L3MBTL4: variants seen among roughly 807,000 people sequenced by gnomAD.
L3MBTL4 encodes L3MBTL histone methyl-lysine binding protein 4, also known as lethal(3)malignant brain tumor-like protein 4.
Under a neutral mutation model 84.5 loss-of-function variants are expected in L3MBTL4, and 70 were observed. The ratio of observed to expected loss-of-function variants is 0.83; its 90% CI spans 0.68 to 1.01. The LOEUF (loss-of-function observed/expected upper bound fraction) is 1.01, where lower values mean the gene tolerates loss of function less well. L3MBTL4 is among the 50% of genes least tolerant of loss of function. The pLI, the probability that L3MBTL4 is intolerant of heterozygous loss-of-function variation, is 0.00. For missense variants in L3MBTL4, 715 were observed against 754.8 expected, an observed-to-expected ratio of 0.95 and a Z score of 0.62; for synonymous variants, 274 against 259.8, an observed-to-expected ratio of 1.05 and a Z score of -0.52.
intron 14 of L3MBTL4, among the ~76,000 whole-genome samples, chr18:6,131,798 T>C (rs1185259017): frequency 6.6e-6 from 1 of 152,202 alleles, no homozygotes; most frequent in African/African-American, 2.4e-5. Flanking sequence ...CCAAGGTTGG[T>C]ACTGAAGAAC....
intron 14 of L3MBTL4, among the ~76,000 whole-genome samples, chr18:6,123,837 C>T (rs543822700): frequency 2.6e-5 from 4 of 152,312 alleles, no homozygotes; most frequent in Non-Finnish European, 4.4e-5. Context: ...TAGTTAAGGG[C>T]TAGGCCCACC....
intron 1 of L3MBTL4, chr18:6,397,589 C>T (rs2055328118): frequency 6.6e-6 from 1 of 152,138 alleles, no homozygotes; most frequent in African/African-American, 2.4e-5. Context: ...TGGCTCATGC[C>T]TGTAATCCCA....
At chr18:6,056,067 C>A (rs1310019215) in intron 16 of L3MBTL4, among the ~76,000 whole-genome samples, 1 of 151,952 alleles carries the variant, frequency 6.6e-6, no homozygotes, top group Admixed American at 6.6e-5. Context: ...TGTTTTAAAG[C>A]ATGGATTTGG....
chr18:6,222,747 C>T (rs957702920), intron 10 of L3MBTL4, among the ~76,000 whole-genome samples: 1 of 152,030 alleles, frequency 6.6e-6, no homozygotes, highest in African/African-American at 2.4e-5. Context: ...ATTTGGTAGG[C>T]ACTCAATTCA....
At chr18:6,326,751 G>T (rs180951537) in intron 1 of L3MBTL4, 2 of 152,284 alleles carry the variant, frequency 1.3e-5, no homozygotes. Context: ...ATGTAGAATG[G>T]TTGCCGAGGT....
intron 16 of L3MBTL4, among the ~76,000 whole-genome samples, chr18:6,034,275 C>T (rs1489112820): frequency 6.6e-6 from 1 of 152,078 alleles, no homozygotes; most frequent in African/African-American, 2.4e-5. Context: ...TTAGGTATAT[C>T]TCCCAATGTT....
chr18:6,320,451 C>A (rs76040863), intron 1 of L3MBTL4, among the ~76,000 whole-genome samples: 1 of 152,052 alleles, frequency 6.6e-6, no homozygotes, highest in South Asian at 2.1e-4. Flanking sequence ...TCAAAGTATA[C>A]GAGTCAATAG....
chr18:6,031,898 C>T (rs2055820203), intron 16 of L3MBTL4: 5 of 925,378 alleles, frequency 5.4e-6, no homozygotes, highest in Non-Finnish European at 6.4e-6. Context: ...GAAGCCTGGG[C>T]TTTTAGAGTA....
intron 1 of L3MBTL4, chr18:6,356,725 T>C (rs1367663214): frequency 2.0e-5 from 3 of 152,216 alleles, no homozygotes; most frequent in African/African-American, 7.2e-5. Flanking sequence ...TCTGGGTGGA[T>C]CAGTGAATGA....
intron 16 of L3MBTL4, among the ~76,000 whole-genome samples, chr18:5,970,125 C>T (rs903498563): frequency 1.3e-5 from 2 of 152,264 alleles, no homozygotes; most frequent in Admixed American, 6.5e-5. Flanking sequence ...GCTGCTGCTG[C>T]TGCAGATCCC....
In L3MBTL4 at chr18:6,382,839, C is replaced by T. The variant is rs141646087; in HGVS notation, c.-91+31962G>A. On this transcript the variant is annotated intron_variant, in intron 1 of 18. Coordinates refer to ENST00000317931, the MANE Select transcript of L3MBTL4 (RefSeq NM_001330559.2). ...TCTGACCCTTAGCAGAGCTCAAATG[C>T]TGTGCTGGGAGGTCCACTGCTCTCT... Among the ~76,000 whole-genome samples, 399 of 152,342 alleles carry T rather than the reference C, an allele frequency of 2.6e-3. 3 individuals are homozygous for T. The highest frequency in any genetic ancestry group is 8.9e-3 in the African/African-American group (371 of 41,596).
chr18:6,405,567 G>A (rs1451312766), intron 1 of L3MBTL4, among the ~76,000 whole-genome samples: 2 of 151,882 alleles, frequency 1.3e-5, no homozygotes, highest in Non-Finnish European at 1.5e-5. Context: ...CTAAACCCAG[G>A]GGCTGAGCCT....
At chr18:6,108,239 G>A (rs1189505609) in intron 14 of L3MBTL4, among the ~76,000 whole-genome samples, 1 of 152,184 alleles carries the variant, frequency 6.6e-6, no homozygotes, top group African/African-American at 2.4e-5. Context: ...TTTCAGACAT[G>A]AACAACATCA....
In L3MBTL4 at chr18:5,983,544, A is replaced by G. The variant is rs115990668; in HGVS notation, c.1445-13982T>C. Among the ~76,000 whole-genome samples, 235 of 152,240 alleles carry G rather than the reference A, an allele frequency of 1.5e-3. 3 individuals are homozygous for G. Among genetic ancestry groups the G allele is most frequent in the African/African-American group, 5.2e-3 (217 of 41,536 alleles). On this transcript the variant is annotated intron_variant, in intron 16 of 18. Transcript: ENST00000317931. ...TTAGGGAATAGAACAACTTTCCTGAAGCTAGCGTTTGAAGAAGACTGACTC... is the reference window on the plus strand; with the variant it reads ...TTAGGGAATAGAACAACTTTCCTGAGGCTAGCGTTTGAAGAAGACTGACTC...
chr18:6,215,310 T>C (rs2046277408), intron 11 of L3MBTL4, among the ~76,000 whole-genome samples: 1 of 152,218 alleles, frequency 6.6e-6, no homozygotes, highest in South Asian at 2.1e-4. Context: ...TTCTAACAAA[T>C]GCTGAAAGAA....
intron 16 of L3MBTL4, among the ~76,000 whole-genome samples, chr18:6,054,320 C>G (rs2056938266): frequency 6.6e-6 from 1 of 152,100 alleles, no homozygotes; most frequent in South Asian, 2.1e-4. Flanking sequence ...CAGTCCAGTA[C>G]AGGCTCTGTA....
chr18:5,970,017 C>G (rs2052561561), intron 16 of L3MBTL4, among the ~76,000 whole-genome samples: 1 of 152,216 alleles, frequency 6.6e-6, no homozygotes, highest in Non-Finnish European at 1.5e-5. Context: ...TCTCTAAAGA[C>G]AGAATGAGCC....
chr18:6,095,496 GC>G (rs768741499), intron 14 of L3MBTL4, among the ~76,000 whole-genome samples: 13 of 151,980 alleles, frequency 8.6e-5, no homozygotes, highest in Non-Finnish European at 1.6e-4. Flanking sequence ...GACTACAGGT[GC>G]CCACAACCAC....
chr18:6,409,464 C>T (rs1351832654), intron 1 of L3MBTL4, among the ~76,000 whole-genome samples: 2 of 152,166 alleles, frequency 1.3e-5, no homozygotes, highest in Non-Finnish European at 2.9e-5. Flanking sequence ...GGGCTCTATG[C>T]TGCAGGGGAA....
Sources: gnomAD v4.1 joint callset for allele counts (sites outside exome capture counted in the v4.1 genomes callset) on GRCh38, gnomAD v4.1.1 for gene constraint, MANE v1.5 for transcripts, NCBI Gene and HGNC (gene_info 2026-07-23, HGNC 2026-07-21) for gene names.